The following VGLL4 variants were observed in gnomAD, a reference collection of about 807,000 sequenced individuals.
The protein encoded by VGLL4 is vestigial like family member 4, also known as transcription cofactor vestigial-like protein 4.
In VGLL4, 7 loss-of-function variants were observed where a neutral mutation model predicts 21.0. The ratio of observed to expected loss-of-function variants is 0.33; its 90% CI spans 0.19 to 0.63. The LOEUF (loss-of-function observed/expected upper bound fraction) is 0.63. Ranked by LOEUF, VGLL4 falls within the 20% of genes least tolerant of loss-of-function variation. VGLL4 has a pLI of 0.78. For missense variants in VGLL4, 394 were observed against 425.7 expected (o/e 0.93, Z 0.66); for synonymous variants, 222 against 173.2 (o/e 1.28, Z -2.21).
chr3:11,695,568 C>T (rs1575539137), intron 2 of VGLL4, among the ~76,000 whole-genome samples: 1 of 152,238 alleles, frequency 6.6e-6, no homozygotes, highest in Middle Eastern at 3.4e-3. Flanking sequence ...GGTTAAAGGA[C>T]ATGTGGTAGC....
chr3:11,621,281 T>C (rs913980969), intron 1 of VGLL4, among the ~76,000 whole-genome samples: 1 of 152,184 alleles, frequency 6.6e-6, no homozygotes. Context: ...TTTTAGGACA[T>C]TTCTTCACCC....
upstream of VGLL4, among the ~76,000 whole-genome samples, chr3:11,645,603 CAA>C (rs34230304): frequency 5.2e-5 from 4 of 77,382 alleles, no homozygotes; most frequent in East Asian, 4.0e-4. Context: ...GACTCCGTCT[CAA>C]AAAAAAAAAA....
intron 2 of VGLL4, among the ~76,000 whole-genome samples, chr3:11,652,597 T>G (rs1373405952): frequency 1.3e-5 from 2 of 152,128 alleles, no homozygotes; most frequent in Non-Finnish European, 1.5e-5. Context: ...ATTTTTGTAT[T>G]TTTATTAGAG....
chr3:11,705,051 C>T lies in VGLL4; in HGVS notation c.-13-2004G>A, dbSNP rs534298020. Among the ~76,000 whole-genome samples the T allele has an allele frequency of 2.6e-5, 4 of 152,270 alleles. No individual in the cohort carries two copies. The South Asian group carries it at 8.3e-4, about 32-fold the overall frequency. ...GAGTAAAATGGGGACAGAAAGTAAGCGACAAGGTTGGAAATTTAGATTGGG... is the reference window on the plus strand; with the variant it reads ...GAGTAAAATGGGGACAGAAAGTAAGTGACAAGGTTGGAAATTTAGATTGGG... On this transcript the variant is annotated intron_variant, in intron 1 of 5. Transcript: ENST00000273038.
intron 1 of VGLL4, among the ~76,000 whole-genome samples, chr3:11,641,144 G>C (rs1480304210): frequency 6.8e-6 from 1 of 146,214 alleles, no homozygotes; most frequent in Non-Finnish European, 1.5e-5. Flanking sequence ...AAAAAGACCA[G>C]ACACATGGTT....
At chr3:11,602,130 G>C (rs1170329635) in intron 1 of VGLL4, 108 bp from the exon 2 acceptor site, 2 of 1,151,694 alleles carry the variant, frequency 1.7e-6, no homozygotes, top group African/African-American at 1.6e-5. Context: ...ACTCCCAGTG[G>C]AAAGTTTTTG....
chr3:11,572,394 G>C (rs981765975), intron 2 of VGLL4, among the ~76,000 whole-genome samples: 4 of 152,144 alleles, frequency 2.6e-5, no homozygotes, highest in Non-Finnish European at 5.9e-5. Flanking sequence ...AAAATACAAA[G>C]ACTCGTGTAC....
chr3:11,687,462 GTTTTGT>G (rs1223918822), intron 2 of VGLL4, among the ~76,000 whole-genome samples: 6 of 152,028 alleles, frequency 3.9e-5, no homozygotes, highest in Non-Finnish European at 4.4e-5. Flanking sequence ...ATGGGAATGA[GTTTTGT>G]TTTTGTTTTT....
At chr3:11,610,560 C>T (rs11709778) in intron 1 of VGLL4, 75,693 of 152,146 alleles carry the variant, frequency 0.5, 21,906 homozygotes, top group Non-Finnish European at 0.68. Flanking sequence ...GACCTCGCCT[C>T]GGGGGAGCCG....
rs990437411 is a variant in VGLL4, at chr3:11,578,039, G to A, written c.273-13020C>T. Among the ~76,000 whole-genome samples the A allele has an allele frequency of 1.9e-4, 29 of 152,314 alleles. 3 individuals carry two copies. The highest frequency in any genetic ancestry group is 1.5e-3 in the Admixed American group (23 of 15,304). ...CTAAGGAAATAGGGCACACAGGCAA[G>A]GACTCACTCCCTTCCATTTATCGTA... On this transcript the variant is annotated intron_variant, in intron 2 of 4. Coordinates refer to ENST00000430365, the MANE Select transcript of VGLL4 (RefSeq NM_001128219.3).
chr3:11,639,062 C>T (rs910548472), intron 1 of VGLL4, among the ~76,000 whole-genome samples: 4 of 152,206 alleles, frequency 2.6e-5, no homozygotes, highest in South Asian at 2.1e-4. Context: ...ATATAAATCA[C>T]GCTATTAAAT....
Position 11,568,573 on chromosome 3 carries a change from G to A in VGLL4, c.273-3554C>T. 1 of 1,555,166 alleles carries A rather than the reference G, an allele frequency of 6.4e-7. No homozygotes were observed. The highest frequency in any genetic ancestry group is 1.2e-5 in the South Asian group (1 of 84,288). On this transcript the variant is annotated intron_variant, in intron 2 of 4. Transcript: ENST00000430365. The surrounding 1 kb of genome is among the most constrained non-coding windows in gnomAD (Gnocchi z 5.9). ...CGAGAAAAGGCCTGGAGAACTGGCTGGTTAATTTTAGTAAAATTATACATT... is the reference window on the plus strand; with the variant it reads ...CGAGAAAAGGCCTGGAGAACTGGCTAGTTAATTTTAGTAAAATTATACATT...
chr3:11,643,485 G>A lies in VGLL4; in HGVS notation c.34C>T (p.Gln12Ter). 6.8e-6 allele frequency: 11 copies of A among 1,614,010 alleles called. No homozygotes were observed. The highest frequency in any genetic ancestry group is 9.3e-6 in the Non-Finnish European group (11 of 1,179,892). ...LFMKMDLLNY[Q>*]YLDKMNNNIG... ...TTGTTGTTCATCTTGTCCAAGTACTGATAGTTCAACAGGTCCATCTTCATA... is the reference window on the plus strand; with the variant it reads ...TTGTTGTTCATCTTGTCCAAGTACTAATAGTTCAACAGGTCCATCTTCATA... Residue 12 changes from glutamine to a stop codon, truncating the protein, a stop_gained, in exon 1 of 5, where the codon CAG (glutamine) becomes TAG (stop). Coordinates refer to ENST00000430365, the MANE Select transcript of VGLL4 (RefSeq NM_001128219.3). LOFTEE classifies it high-confidence loss of function.
At position 11,560,600 on chromosome 3, in the gene VGLL4, G is replaced by A. The variant is rs113045407; in HGVS notation, c.496-1145C>T. Among the ~76,000 whole-genome samples, 193 of 152,358 alleles carry A rather than the reference G, an allele frequency of 1.3e-3. 1 individual carries two copies. Among genetic ancestry groups the A allele is most frequent in the African/African-American group, 4.3e-3 (177 of 41,584 alleles). On this transcript the variant is annotated intron_variant, in intron 3 of 4. Transcript: ENST00000430365. The stretch of plus-strand genomic sequence containing the variant: ...TTGGGAATGGTGAAAGTGGATTCTA[G>A]GATGAAAATGTGGATCCACAAGGAT...
upstream of VGLL4, chr3:11,644,031 G>A: frequency 2.0e-6 from 2 of 976,448 alleles, no homozygotes; most frequent in Non-Finnish European, 2.4e-6. Context: ...TCTCAATGTA[G>A]CAAGTGTTGG....
At chr3:11,629,034 G>A (rs369952433) in intron 1 of VGLL4, among the ~76,000 whole-genome samples, 4 of 152,174 alleles carry the variant, frequency 2.6e-5, no homozygotes, top group Non-Finnish European at 4.4e-5. Flanking sequence ...CATAAATGAT[G>A]CCATAGCTAT....
At chr3:11,618,717 A>G (rs904152263) in intron 1 of VGLL4, among the ~76,000 whole-genome samples, 1 of 152,224 alleles carries the variant, frequency 6.6e-6, no homozygotes, top group Non-Finnish European at 1.5e-5. Flanking sequence ...TTTAACCTGA[A>G]AACAAATATT....
In VGLL4 at chr3:11,559,344, T is replaced by C. The variant is rs1460439379; in HGVS notation, c.607A>G (p.Arg203Gly). Residue 203 changes from arginine to glycine, a missense_variant, in exon 4 of 5, where the codon AGG becomes GGG. Arg to Gly is a moderately radical substitution (Grantham distance 125, BLOSUM62 -2). Coordinates refer to ENST00000430365, the MANE Select transcript of VGLL4 (RefSeq NM_001128219.3). The stretch of plus-strand genomic sequence containing the variant: ...CCGGGACACTCACCGCTCGGTGGCC[T>C]CCGGTAGCTGGCAGGCCCGGGCGCG... ...CAAPGPASYR[R>G]PPSAATTCDP... The C allele has an allele frequency of 7.1e-6, 11 of 1,546,268 alleles. No homozygotes were observed. In the Admixed American group the frequency reaches 2.0e-4, roughly 28 times the overall value.
chr3:11,676,104 TTGGCCGGGTGCAG>T (rs2076285222), intron 2 of VGLL4, among the ~76,000 whole-genome samples: 1 of 152,154 alleles, frequency 6.6e-6, no homozygotes, highest in African/African-American at 2.4e-5. Flanking sequence ...AAAATAATTT[TTGGCCGGGTGCAG>T]TGGCTCACGC....
Sources: gnomAD v4.1 joint callset for allele counts (sites outside exome capture counted in the v4.1 genomes callset) on GRCh38, gnomAD v4.1.1 for gene constraint, Gnocchi (gnomAD v3.1) non-coding constraint, MANE v1.5 for transcripts, NCBI Gene and HGNC (gene_info 2026-07-23, HGNC 2026-07-21) for gene names.